Variants in CSMD1 observed in about 807,000 individuals in gnomAD.
The protein encoded by CSMD1 is CUB and Sushi multiple domains 1.
A neutral mutation model predicts 417.5 loss-of-function variants in CSMD1; 213 were observed. That is an observed-to-expected ratio of 0.51 (90% confidence interval 0.46 to 0.57). CSMD1 has a LOEUF of 0.57. Ranked by LOEUF, CSMD1 falls within the 20% of genes least tolerant of loss-of-function variation. The probability of loss-of-function intolerance (pLI) is 0.00; values close to 1 mark genes in which losing one functional copy is unlikely to be tolerated. For synonymous variants in CSMD1, 2,862 were observed against 1,736.8 expected (o/e 1.65, Z -16.11); for missense variants, 6,923 against 4,529.7 (o/e 1.53, Z -15.17).
intron 1 of CSMD1, among the ~76,000 whole-genome samples, chr8:4,717,410 CA>C (rs1808738888): frequency 6.7e-6 from 1 of 150,210 alleles, no homozygotes. Flanking sequence ...TACATATATA[CA>C]CACACACTAT....
At chr8:3,622,654 G>C (rs1031140109) in intron 7 of CSMD1, among the ~76,000 whole-genome samples, 1 of 152,220 alleles carries the variant, frequency 6.6e-6, no homozygotes, top group African/African-American at 2.4e-5. Context: ...ATAACAAAAA[G>C]TGATTAGAGA....
intron 2 of CSMD1, among the ~76,000 whole-genome samples, chr8:4,632,698 T>C (rs151152888): frequency 6.6e-6 from 1 of 152,288 alleles, no homozygotes; most frequent in East Asian, 1.9e-4. Context: ...GAGTACAGGC[T>C]TCCAATTGCA....
chr8:4,991,864 C>A (rs371921839), intron 1 of CSMD1, among the ~76,000 whole-genome samples: 8 of 152,274 alleles, frequency 5.3e-5, no homozygotes, highest in African/African-American at 1.9e-4. Flanking sequence ...ACCCCGCAGG[C>A]GTGGAGGAGA....
At chr8:3,954,320 G>A (rs138203670) in intron 5 of CSMD1, among the ~76,000 whole-genome samples, 2,023 of 152,292 alleles carry the variant, frequency 0.013, 159 homozygotes, top group Admixed American at 0.12. Flanking sequence ...TGCACGCGAA[G>A]GCTGAAGAGA....
chr8:3,203,886 A>G (rs552667039), intron 31 of CSMD1, among the ~76,000 whole-genome samples: 9 of 152,260 alleles, frequency 5.9e-5, no homozygotes, highest in African/African-American at 2.2e-4. Context: ...GCCTCTTCCT[A>G]CCTGGTAAGG....
At chr8:3,478,220 A>G (rs1246398463) in intron 11 of CSMD1, among the ~76,000 whole-genome samples, 1 of 152,256 alleles carries the variant, frequency 6.6e-6, no homozygotes, top group Non-Finnish European at 1.5e-5. Flanking sequence ...GCTATTTTAA[A>G]TTCACTAAAC....
intron 3 of CSMD1, among the ~76,000 whole-genome samples, chr8:4,302,118 C>T (rs1798009520): frequency 6.6e-6 from 1 of 152,084 alleles, no homozygotes; most frequent in Non-Finnish European, 1.5e-5. Context: ...TATGTAGAAG[C>T]AAGCTATCTT....
chr8:4,493,063 A>G, intron 2 of CSMD1, among the ~76,000 whole-genome samples: 1 of 152,286 alleles, frequency 6.6e-6, no homozygotes, highest in East Asian at 1.9e-4. Flanking sequence ...TTCAGTTCTG[A>G]GGTTAATACA....
chr8:4,039,963 G>T (rs571807459), intron 3 of CSMD1, among the ~76,000 whole-genome samples: 14 of 152,274 alleles, frequency 9.2e-5, no homozygotes, highest in African/African-American at 2.9e-4. Context: ...ATTGTAAAAA[G>T]ATATCACAAA....
intron 5 of CSMD1, among the ~76,000 whole-genome samples, chr8:3,964,201 TA>T (rs1328965117): frequency 6.6e-6 from 1 of 152,216 alleles, no homozygotes; most frequent in Non-Finnish European, 1.5e-5. Flanking sequence ...TTTATTTTTT[TA>T]AAGACTGTAT....
At chr8:3,731,287 T>G (rs1338056913) in intron 6 of CSMD1, among the ~76,000 whole-genome samples, 1 of 152,202 alleles carries the variant, frequency 6.6e-6, no homozygotes, top group Non-Finnish European at 1.5e-5. Context: ...GAGATACAGA[T>G]GCATCTCCAC....
intron 26 of CSMD1, among the ~76,000 whole-genome samples, chr8:3,241,390 A>G (rs1442089361): frequency 6.6e-6 from 1 of 152,012 alleles, no homozygotes; most frequent in Admixed American, 6.6e-5. Context: ...TAAGAAGGGG[A>G]CGGTCTTACC....
chr8:4,655,635 G>A (rs964355087), intron 1 of CSMD1, among the ~76,000 whole-genome samples: 1 of 151,998 alleles, frequency 6.6e-6, no homozygotes, highest in East Asian at 1.9e-4. Flanking sequence ...GAAGAACATA[G>A]CATGTAATCA....
intron 1 of CSMD1, among the ~76,000 whole-genome samples, chr8:4,893,911 T>C (rs1012244744): frequency 6.6e-6 from 1 of 152,120 alleles, no homozygotes; most frequent in African/African-American, 2.4e-5. Flanking sequence ...GGCGGGGCAA[T>C]GTCTTTTTCG....
At chr8:3,883,896 T>C (rs980228830) in intron 5 of CSMD1, among the ~76,000 whole-genome samples, 1 of 152,122 alleles carries the variant, frequency 6.6e-6, no homozygotes, top group African/African-American at 2.4e-5. Context: ...TGTATTTAAA[T>C]ATAAATTAAA....
chr8:4,664,520 C>G (rs1804797781), intron 1 of CSMD1, among the ~76,000 whole-genome samples: 1 of 152,072 alleles, frequency 6.6e-6, no homozygotes, highest in African/African-American at 2.4e-5. Flanking sequence ...GTGATCATAC[C>G]ACTGCATTCC....
chr8:2,973,415 G>T, intron 56 of CSMD1, 116 bp from the exon 57 acceptor site: 1 of 986,744 alleles, frequency 1.0e-6, no homozygotes, highest in Non-Finnish European at 1.5e-6. Context: ...CATGAGTTAT[G>T]GTTACACAAC....
intron 50 of CSMD1, among the ~76,000 whole-genome samples, chr8:3,034,039 T>G (rs1431706331): frequency 6.6e-6 from 1 of 152,238 alleles, no homozygotes; most frequent in Non-Finnish European, 1.5e-5. Flanking sequence ...CCTCCCCATG[T>G]GCCTTCCTTT....
chr8:4,816,535 G>T (rs777511012), intron 1 of CSMD1, among the ~76,000 whole-genome samples: 2 of 152,004 alleles, frequency 1.3e-5, no homozygotes, highest in Non-Finnish European at 2.9e-5. Context: ...GCCAAATCAC[G>T]GTTTCTTTCT....
Sources: gnomAD v4.1 joint callset for allele counts (sites outside exome capture counted in the v4.1 genomes callset) on GRCh38, gnomAD v4.1.1 for gene constraint, MANE v1.5 for transcripts, NCBI Gene and HGNC (gene_info 2026-07-23, HGNC 2026-07-21) for gene names.